Variants in MARCHF1 observed in about 807,000 individuals in gnomAD.
MARCHF1 encodes E3 ubiquitin-protein ligase MARCHF1.
MARCHF1 carries 40 observed loss-of-function variants against 54.2 expected under a neutral mutation model. The observed-to-expected ratio is 0.74, with a 90% CI of 0.57 to 0.96. The LOEUF is 0.96. Among genes scored for constraint, MARCHF1 ranks in the 40% least tolerant of loss-of-function variants. The pLI is 0.00. For missense variants in MARCHF1, 586 were observed against 656.5 expected, an observed-to-expected ratio of 0.89 and a Z score of 1.17; for synonymous variants, 236 against 236.3, an observed-to-expected ratio of 1.00 and a Z score of 0.01.
intron 7 of MARCHF1, among the ~76,000 whole-genome samples, chr4:163,593,689 T>C (rs1299461275): frequency 1.3e-5 from 2 of 152,204 alleles, no homozygotes; most frequent in African/African-American, 2.4e-5. Flanking sequence ...AAAGAAAGTC[T>C]CAAGTTGCCA....
At chr4:163,645,160 A>G (rs777546864) in intron 5 of MARCHF1, among the ~76,000 whole-genome samples, 3 of 152,156 alleles carry the variant, frequency 2.0e-5, no homozygotes, top group Non-Finnish European at 2.9e-5. Context: ...TCATCCCAGT[A>G]CCAGCCCTAC....
intron 2 of MARCHF1, among the ~76,000 whole-genome samples, chr4:164,041,028 C>T (rs567510227): frequency 2.5e-4 from 38 of 151,968 alleles, no homozygotes; most frequent in Non-Finnish European, 4.3e-4. Context: ...ATAATACACT[C>T]AATTTAAACC....
Position 163,529,133 on chromosome 4 carries a change from C to T in MARCHF1, c.1340-87G>A, listed in dbSNP as rs1027854169. On this transcript the variant is annotated intron_variant, in intron 9 of 9. Coordinates refer to ENST00000514618, the MANE Select transcript of MARCHF1 (RefSeq NM_001394959.1). ...TTTTTTCTATGACCCTTCAAAAGCC[C>T]GTGCTTGCCTTCTAGATTATGTATG... The T allele has an allele frequency of 1.7e-5, 16 of 926,622 alleles. No individual in the cohort carries two copies. The Middle Eastern group carries it at 6.8e-4, about 39-fold the overall frequency. 57.4% of individuals were successfully genotyped at this position (926,622 alleles called of 1,614,324 possible).
intron 4 of MARCHF1, among the ~76,000 whole-genome samples, chr4:163,743,541 AT>A (rs1463769803): frequency 6.6e-6 from 1 of 151,850 alleles, no homozygotes; most frequent in Non-Finnish European, 1.5e-5. Flanking sequence ...AGCAAATTCA[AT>A]TAAATTAACA....
At chr4:163,703,271 T>C (rs1474472754) in intron 4 of MARCHF1, among the ~76,000 whole-genome samples, 1 of 152,110 alleles carries the variant, frequency 6.6e-6, no homozygotes, top group Non-Finnish European at 1.5e-5. Context: ...TATCTTGCAA[T>C]TCTGCCTTTG....
At chr4:163,981,273 C>T (rs1752757399) in intron 3 of MARCHF1, among the ~76,000 whole-genome samples, 2 of 152,150 alleles carry the variant, frequency 1.3e-5, no homozygotes, top group Admixed American at 6.5e-5. Flanking sequence ...AAAGTAAGTC[C>T]ACATCATTTG....
chr4:164,143,881 T>C (rs1280713415), intron 1 of MARCHF1, among the ~76,000 whole-genome samples: 5 of 152,080 alleles, frequency 3.3e-5, no homozygotes, highest in Non-Finnish European at 7.3e-5. Flanking sequence ...GACTGGCAAA[T>C]TGGATAAAGA....
At chr4:163,583,423 CTA>C (rs1740293711) in intron 8 of MARCHF1, among the ~76,000 whole-genome samples, 1 of 152,080 alleles carries the variant, frequency 6.6e-6, no homozygotes, top group African/African-American at 2.4e-5. Context: ...TCCAACACCC[CTA>C]TACATATATA....
chr4:163,905,843 A>T (rs1250718920), intron 3 of MARCHF1, among the ~76,000 whole-genome samples: 1 of 152,024 alleles, frequency 6.6e-6, no homozygotes. Context: ...GGCTGAATGT[A>T]CTTCTCCCAC....
At chr4:163,714,651 C>T (rs1745205521) in intron 4 of MARCHF1, among the ~76,000 whole-genome samples, 1 of 152,046 alleles carries the variant, frequency 6.6e-6, no homozygotes, top group African/African-American at 2.4e-5. Flanking sequence ...AAGTATACGA[C>T]AATTAACATG....
intron 2 of MARCHF1, among the ~76,000 whole-genome samples, chr4:164,071,318 A>G (rs138070527): frequency 0.012 from 1,876 of 152,284 alleles, 38 homozygotes; most frequent in African/African-American, 0.043. Flanking sequence ...AGAAACAGAA[A>G]ACAAAAGAAA....
chr4:164,006,415 A>T (rs919058818), intron 2 of MARCHF1, among the ~76,000 whole-genome samples: 10 of 150,476 alleles, frequency 6.6e-5, no homozygotes, highest in Admixed American at 5.2e-4. Context: ...GAAAATACAC[A>T]GTCAGAGGAG....
intron 4 of MARCHF1, among the ~76,000 whole-genome samples, chr4:163,750,414 G>A (rs1223324189): frequency 1.3e-5 from 2 of 151,538 alleles, no homozygotes; most frequent in African/African-American, 2.4e-5. Flanking sequence ...AGGAGGCTGG[G>A]GCAGGAGAAT....
At chr4:164,029,311 G>A (rs1476962921) in intron 2 of MARCHF1, among the ~76,000 whole-genome samples, 2 of 152,004 alleles carry the variant, frequency 1.3e-5, no homozygotes, top group Admixed American at 1.3e-4. Flanking sequence ...AGCTTCATAT[G>A]GCCAGAGCAG....
chr4:164,067,061 T>C (rs913190603), intron 2 of MARCHF1, among the ~76,000 whole-genome samples: 37 of 152,090 alleles, frequency 2.4e-4, no homozygotes, highest in African/African-American at 8.9e-4. Flanking sequence ...TTAATTTTCC[T>C]CTTAATACTG....
chr4:164,011,837 T>A (rs1753427229), intron 2 of MARCHF1, among the ~76,000 whole-genome samples: 1 of 152,140 alleles, frequency 6.6e-6, no homozygotes, highest in South Asian at 2.1e-4. Context: ...GGTAAGACAC[T>A]CTTGCATTGC....
chr4:163,996,473 G>A (rs574362046), intron 2 of MARCHF1, among the ~76,000 whole-genome samples: 32 of 152,124 alleles, frequency 2.1e-4, no homozygotes, highest in African/African-American at 6.3e-4. Context: ...TGGTAACTAC[G>A]TATGGGCATA....
At chr4:164,298,348 AC>A (rs1734464601) in intron 1 of MARCHF1, among the ~76,000 whole-genome samples, 1 of 151,956 alleles carries the variant, frequency 6.6e-6, no homozygotes, top group Non-Finnish European at 1.5e-5. Flanking sequence ...CTTAAGTAGC[AC>A]TTCTCTTCCT....
chr4:164,272,966 GTTC>G (rs1286718335), intron 1 of MARCHF1, among the ~76,000 whole-genome samples: 2 of 151,528 alleles, frequency 1.3e-5, no homozygotes, highest in South Asian at 2.1e-4. Context: ...GTACATACAT[GTTC>G]TTAATTATAA....
Sources: gnomAD v4.1 joint callset for allele counts (sites outside exome capture counted in the v4.1 genomes callset) on GRCh38, gnomAD v4.1.1 for gene constraint, MANE v1.5 for transcripts, NCBI Gene and HGNC (gene_info 2026-07-23, HGNC 2026-07-21) for gene names.